The following PDE4D variants were observed in gnomAD, a reference collection of about 807,000 sequenced individuals.
PDE4D encodes the protein phosphodiesterase 4D, also known as 3',5'-cyclic-AMP phosphodiesterase 4D.
PDE4D carries 24 observed loss-of-function variants against 87.4 expected under a neutral mutation model. That is an observed-to-expected ratio of 0.27 (90% CI 0.20 to 0.39). The LOEUF is 0.39. Ranked by LOEUF, PDE4D falls within the 10% of genes least tolerant of loss-of-function variation. PDE4D has a pLI of 1.00. For synonymous variants in PDE4D, 384 were observed against 383.2 expected (o/e 1.00, Z -0.02); for missense variants, 714 against 1,041.0 (o/e 0.69, Z 4.32).
At chr5:59,065,614 G>A (rs909343155) in intron 5 of PDE4D, among the ~76,000 whole-genome samples, 4 of 152,098 alleles carry the variant, frequency 2.6e-5, no homozygotes, top group South Asian at 2.1e-4. Context: ...CAAACATCTT[G>A]CAGAATAAAC....
chr5:59,583,262 A>G (rs1024952995), intron 1 of PDE4D, among the ~76,000 whole-genome samples: 1 of 152,218 alleles, frequency 6.6e-6, no homozygotes, highest in African/African-American at 2.4e-5. Flanking sequence ...AGACCCTGGC[A>G]TGTGATTCCA....
At chr5:60,222,023 A>T (rs548140822) in intron 1 of PDE4D, among the ~76,000 whole-genome samples, 1 of 152,136 alleles carries the variant, frequency 6.6e-6, no homozygotes. Context: ...ATGCTCTTGC[A>T]TAGCCACACC....
rs536883763 is a variant in PDE4D, at chr5:59,618,102, C to T, written c.455+275066G>A. On this transcript the variant is annotated intron_variant, in intron 1 of 14. Transcript: ENST00000340635. ...GTGTCATGTAAAAAAAAGAATTCTT[C>T]GATGCCTAAAAGTTTCTATGTTAAA... Among the ~76,000 whole-genome samples the T allele has an allele frequency of 3.9e-5, 6 of 152,024 alleles. No homozygotes were observed. The South Asian group carries it at 6.3e-4, about 16-fold the overall frequency.
chr5:60,496,312 T>C (rs545458394), intron 1 of PDE4D, among the ~76,000 whole-genome samples: 6 of 152,298 alleles, frequency 3.9e-5, no homozygotes, highest in East Asian at 1.9e-4. Flanking sequence ...GACTTGGTCT[T>C]AAACTGCCTA....
chr5:59,256,659 T>C (rs1761027066), intron 1 of PDE4D, among the ~76,000 whole-genome samples: 1 of 152,088 alleles, frequency 6.6e-6, no homozygotes, highest in African/African-American at 2.4e-5. Context: ...TATGTTTGGA[T>C]GCATTCCTCC....
chr5:59,125,112 CCA>C (rs1467229403), intron 5 of PDE4D: 1 of 192,490 alleles, frequency 5.2e-6, no homozygotes, highest in African/African-American at 2.4e-5. Flanking sequence ...GTAACCAAAA[CCA>C]CAGTGCTCTC....
rs532586168 is a variant in PDE4D at position 60,001,602 on chromosome 5, C to T, written c.43-12885G>A. On this transcript the variant is annotated intron_variant, in intron 2 of 16. Transcript: ENST00000502484. ...TAAATACATAATTAAATTCTGTATACTTGCATGTGGTAATGGTGATGTATA... is the reference window on the plus strand; with the variant it reads ...TAAATACATAATTAAATTCTGTATATTTGCATGTGGTAATGGTGATGTATA... Among the ~76,000 whole-genome samples, 1,038 of 152,096 alleles carry T rather than the reference C, an allele frequency of 6.8e-3. 4 individuals are homozygous for T. The highest frequency in any genetic ancestry group is 0.011 in the Non-Finnish European group (752 of 67,968).
chr5:59,944,425 T>G (rs1374914510), intron 3 of PDE4D, among the ~76,000 whole-genome samples: 1 of 152,178 alleles, frequency 6.6e-6, no homozygotes, highest in East Asian at 1.9e-4. Context: ...CAGTCTGTAG[T>G]GCAGTGGCGC....
intron 1 of PDE4D, among the ~76,000 whole-genome samples, chr5:60,226,408 A>G (rs1022849604): frequency 2.6e-5 from 4 of 152,112 alleles, no homozygotes; most frequent in Non-Finnish European, 5.9e-5. Context: ...AAATAAATCA[A>G]ACAGGGTGCC....
chr5:59,879,180 G>T (rs1038301923), intron 1 of PDE4D, among the ~76,000 whole-genome samples: 3 of 152,092 alleles, frequency 2.0e-5, no homozygotes, highest in Non-Finnish European at 4.4e-5. Flanking sequence ...GATTACAGGC[G>T]TGAGCCACCG....
chr5:60,256,115 G>A (rs113477831), intron 1 of PDE4D, among the ~76,000 whole-genome samples: 2,161 of 151,880 alleles, frequency 0.014, 19 homozygotes, highest in African/African-American at 0.03. Flanking sequence ...GCCTTATATG[G>A]ACTCTCTTGA....
chr5:60,239,224 T>C (rs527283951), intron 1 of PDE4D, among the ~76,000 whole-genome samples: 1 of 152,258 alleles, frequency 6.6e-6, no homozygotes, highest in South Asian at 2.1e-4. Flanking sequence ...TCATTTATTG[T>C]ATCCTTACCA....
chr5:60,447,942 T>C (rs1745782724), intron 1 of PDE4D, among the ~76,000 whole-genome samples: 1 of 152,196 alleles, frequency 6.6e-6, no homozygotes, highest in African/African-American at 2.4e-5. Context: ...AAATTTACTT[T>C]GTTTATAGTA....
At chr5:60,067,031 AAAAC>A (rs1451888148) in intron 2 of PDE4D, among the ~76,000 whole-genome samples, 1 of 152,152 alleles carries the variant, frequency 6.6e-6, no homozygotes, top group Non-Finnish European at 1.5e-5. Context: ...AGAAAGTTCA[AAAAC>A]AAGCAATAGA....
chr5:59,212,070 A>G (rs1249606254), intron 2 of PDE4D, among the ~76,000 whole-genome samples: 1 of 152,142 alleles, frequency 6.6e-6, no homozygotes, highest in Non-Finnish European at 1.5e-5. Context: ...AGAACTATTA[A>G]TAAGAAATCA....
intron 1 of PDE4D, among the ~76,000 whole-genome samples, chr5:59,599,784 T>G (rs915604301): frequency 2.6e-5 from 4 of 152,184 alleles, no homozygotes; most frequent in Non-Finnish European, 5.9e-5. Flanking sequence ...TGGGTTGCTC[T>G]TCCCCTTCCT....
intron 1 of PDE4D, among the ~76,000 whole-genome samples, chr5:59,885,278 T>G (rs1369063032): frequency 6.6e-6 from 1 of 152,162 alleles, no homozygotes; most frequent in African/African-American, 2.4e-5. Flanking sequence ...GTCTTTTTAT[T>G]TTTTCAAAAT....
intron 1 of PDE4D, among the ~76,000 whole-genome samples, chr5:60,376,369 C>T (rs1158467140): frequency 2.6e-5 from 4 of 152,086 alleles, no homozygotes; most frequent in Non-Finnish European, 5.9e-5. Flanking sequence ...TTGAGTGACA[C>T]AGGTAAGACT....
chr5:59,572,334 A>T (rs1427044610), intron 1 of PDE4D, among the ~76,000 whole-genome samples: 1 of 152,210 alleles, frequency 6.6e-6, no homozygotes, highest in Non-Finnish European at 1.5e-5. Context: ...TTGGCAAGAC[A>T]TACCATTTTT....
Sources: gnomAD v4.1 joint callset for allele counts (sites outside exome capture counted in the v4.1 genomes callset) on GRCh38, gnomAD v4.1.1 for gene constraint, MANE v1.5 for transcripts, NCBI Gene and HGNC (gene_info 2026-07-23, HGNC 2026-07-21) for gene names.